The following GSE1 variants were observed in gnomAD, a reference collection of about 807,000 sequenced individuals.
The protein encoded by GSE1 is Gse1 coiled-coil protein.
A neutral mutation model predicts 112.6 loss-of-function variants in GSE1; 32 were observed. The ratio of observed to expected loss-of-function variants is 0.28; its 90% CI spans 0.21 to 0.38. GSE1 has a LOEUF of 0.38. GSE1 is among the 10% of genes least tolerant of loss of function. GSE1 has a pLI of 1.00. For missense variants in GSE1, 2,348 were observed against 1,699.2 expected (o/e 1.38, Z -6.71); for synonymous variants, 1,115 against 735.6 (o/e 1.52, Z -8.35).
At chr16:85,463,265 C>T (rs2050027642) in intron 2 of GSE1, 1 of 220,486 alleles carries the variant, frequency 4.5e-6, no homozygotes, top group African/African-American at 2.3e-5. Flanking sequence ...CACCTTCAGG[C>T]CACGCACGTG....
rs560099702 is a variant in GSE1 at position 85,482,973 on chromosome 16, G to A, written c.2464+125330G>A. On this transcript the variant is annotated intron_variant, in intron 2 of 2. Transcript: ENST00000637419. ...AGCCAGGATGACAGAGTGAGACTCCGTCTCAAAAAAAAAAAAAAAAAAAAT... is the reference window on the plus strand; with the variant it reads ...AGCCAGGATGACAGAGTGAGACTCCATCTCAAAAAAAAAAAAAAAAAAAAT... Among the ~76,000 whole-genome samples, 9 of 90,826 alleles carry A rather than the reference G, an allele frequency of 9.9e-5. 1 individual carries two copies. The South Asian group carries it at 2.0e-3, about 20-fold the overall frequency. 59.6% of individuals were successfully genotyped at this position (90,826 alleles called of 152,430 possible). A position where few individuals can be genotyped will look rare whatever the true frequency, so the allele number is the denominator to read the frequency against.
chr16:85,275,165 A>C (rs1292313984), intron 1 of GSE1, among the ~76,000 whole-genome samples: 1 of 152,026 alleles, frequency 6.6e-6, no homozygotes, highest in African/African-American at 2.4e-5. Context: ...ACAAGGGAAA[A>C]GTCTCCCTGG....
intron 1 of GSE1, among the ~76,000 whole-genome samples, chr16:85,286,886 A>G (rs919718248): frequency 6.6e-6 from 1 of 152,174 alleles, no homozygotes; most frequent in Non-Finnish European, 1.5e-5. Flanking sequence ...GTCCCATAGT[A>G]TGGGCTCCGT....
upstream of GSE1, chr16:85,613,308 C>T (rs1433014162): frequency 7.1e-6 from 11 of 1,546,282 alleles, no homozygotes; most frequent in Admixed American, 2.0e-5. Context: ...CGAGCAGCCC[C>T]GGGTGAGATA....
chr16:85,620,532 G>A (rs2048662857), intron 1 of GSE1, among the ~76,000 whole-genome samples: 1 of 152,270 alleles, frequency 6.6e-6, no homozygotes, highest in Non-Finnish European at 1.5e-5. Flanking sequence ...CAGCCAGATG[G>A]GAGCATTGGA....
chr16:85,579,551 G>A (rs1041361698), intron 1 of GSE1, among the ~76,000 whole-genome samples: 8 of 152,304 alleles, frequency 5.3e-5, no homozygotes, highest in East Asian at 1.9e-4. Flanking sequence ...AGAGGGACGC[G>A]TCCTGGAGAT....
chr16:85,504,068 C>T (rs1001761710), intron 2 of GSE1, among the ~76,000 whole-genome samples: 4 of 152,224 alleles, frequency 2.6e-5, no homozygotes, highest in Non-Finnish European at 4.4e-5. Context: ...CGGTGCTGCC[C>T]GCACCTCTCT....
chr16:85,487,281 C>T (rs1453478474), intron 2 of GSE1, among the ~76,000 whole-genome samples: 1 of 152,182 alleles, frequency 6.6e-6, no homozygotes, highest in Non-Finnish European at 1.5e-5. Flanking sequence ...CACTCACAGC[C>T]TTGCGTCTCC....
intron 2 of GSE1, among the ~76,000 whole-genome samples, chr16:85,436,801 C>T (rs1195732719): frequency 6.6e-6 from 1 of 152,226 alleles, no homozygotes; most frequent in East Asian, 1.9e-4. Context: ...ACGCGCGCTG[C>T]CAGGCTGCCG....
chr16:85,181,772 G>T (rs573454954), intron 1 of GSE1, among the ~76,000 whole-genome samples: 8 of 152,276 alleles, frequency 5.3e-5, no homozygotes, highest in Admixed American at 5.2e-4. Context: ...GGCTGGGACG[G>T]GTCCTGGGGT....
Position 85,578,400 on chromosome 16 carries a change from G to T in GSE1, c.37+22037G>T, listed in dbSNP as rs76387784. On this transcript the variant is annotated intron_variant, in intron 1 of 2. Transcript: ENST00000635906. The stretch of plus-strand genomic sequence containing the variant: ...AAGTCACTGGGCCTTTAGTCCTTCT[G>T]TTGGCAGGGGCTGGTTCCCATTTCA... Among the ~76,000 whole-genome samples, 828 of 152,328 alleles carry T rather than the reference G, an allele frequency of 5.4e-3. 10 individuals are homozygous for T. The highest frequency in any genetic ancestry group is 0.019 in the African/African-American group (795 of 41,564).
chr16:85,535,598 A>G (rs1455868739), intron 2 of GSE1, among the ~76,000 whole-genome samples: 1 of 152,202 alleles, frequency 6.6e-6, no homozygotes, highest in South Asian at 2.1e-4. Context: ...CAGTTGGCTG[A>G]TAAGAGGAAG....
chr16:85,476,816 T>C (rs981239201), intron 2 of GSE1, among the ~76,000 whole-genome samples: 3 of 151,402 alleles, frequency 2.0e-5, no homozygotes, highest in African/African-American at 7.3e-5. Flanking sequence ...TTTCACTGTG[T>C]TGCCCCAGCT....
intron 2 of GSE1, among the ~76,000 whole-genome samples, chr16:85,509,210 C>T (rs916224750): frequency 3.3e-5 from 5 of 152,146 alleles, no homozygotes; most frequent in African/African-American, 7.2e-5. Context: ...TGTGGGTGCA[C>T]GTGGACGCAA....
chr16:85,271,848 A>G (rs538768823), intron 1 of GSE1, among the ~76,000 whole-genome samples: 81 of 152,306 alleles, frequency 5.3e-4, no homozygotes, highest in African/African-American at 1.9e-3. Flanking sequence ...GCAATGGGTC[A>G]CATTCTGGTT....
At chr16:85,606,780 T>C (rs1443070017), upstream of GSE1, among the ~76,000 whole-genome samples, 3 of 152,126 alleles carry the variant, frequency 2.0e-5, no homozygotes, top group Non-Finnish European at 4.4e-5. Flanking sequence ...AGGGGCCAAC[T>C]TGTCTCCCAG....
At chr16:85,556,757 C>T (rs866049482) in intron 1 of GSE1, among the ~76,000 whole-genome samples, 1 of 144,338 alleles carries the variant, frequency 6.9e-6, no homozygotes, top group Admixed American at 6.7e-5. Flanking sequence ...ATGCCCCCCC[C>T]CCCCCCAGTC....
At chr16:85,171,019 A>G (rs1422055283) in exon 1 of GSE1, 7 of 985,508 alleles carry the variant, frequency 7.1e-6, no homozygotes, top group Non-Finnish European at 7.2e-6. Flanking sequence ...CCCCTCCAGG[A>G]TCCTCAACGG....
At chr16:85,472,126 G>A (rs567683572) in intron 2 of GSE1, among the ~76,000 whole-genome samples, 1 of 152,240 alleles carries the variant, frequency 6.6e-6, no homozygotes, top group East Asian at 1.9e-4. Flanking sequence ...GTGTCTCCTG[G>A]GGGATCTCAG....
Sources: allele counts gnomAD v4.1 joint callset (sites outside exome capture counted in the v4.1 genomes callset), GRCh38; gene constraint gnomAD v4.1.1; transcripts MANE v1.5; gene names NCBI Gene and HGNC (gene_info 2026-07-23, HGNC 2026-07-21).